NDUFA9: variants seen among roughly 807,000 people sequenced by gnomAD.
The protein encoded by NDUFA9 is NADH dehydrogenase [ubiquinone] 1 alpha subcomplex subunit 9, mitochondrial.
In NDUFA9, 23 loss-of-function variants were observed where a neutral mutation model predicts 45.9. That is an observed-to-expected ratio of 0.50 (90% CI 0.36 to 0.71). The LOEUF (loss-of-function observed/expected upper bound fraction) is 0.71, where lower values mean the gene tolerates loss of function less well. Among genes scored for constraint, NDUFA9 ranks in the 30% least tolerant of loss-of-function variants. The probability of loss-of-function intolerance (pLI) is 0.00; values close to 1 mark genes in which losing one functional copy is unlikely to be tolerated. For missense variants in NDUFA9, 466 were observed against 488.2 expected, an observed-to-expected ratio of 0.95 and a Z score of 0.43; for synonymous variants, 176 against 170.5, an observed-to-expected ratio of 1.03 and a Z score of -0.25.
chr12:4,661,036 C>CATGCTGGTAGGGAG (rs371494021), intron 5 of NDUFA9, among the ~76,000 whole-genome samples: 57 of 151,848 alleles, frequency 3.8e-4, no homozygotes, highest in African/African-American at 1.3e-3. Context: ...ACATTGTTTA[C>CATGCTGGTAGGGAG]ATGCTGGTAG....
intron 9 of NDUFA9, among the ~76,000 whole-genome samples, chr12:4,682,526 C>A (rs990106306): frequency 6.6e-6 from 1 of 152,182 alleles, no homozygotes; most frequent in African/African-American, 2.4e-5. Context: ...CTTCCCACTT[C>A]CCAAAAGTGA....
At chr12:4,670,122 CACAA>C (rs1591546896) in intron 8 of NDUFA9, among the ~76,000 whole-genome samples, 2 of 152,262 alleles carry the variant, frequency 1.3e-5, no homozygotes, top group East Asian at 3.9e-4. Flanking sequence ...AATTCTAAAA[CACAA>C]ACAAAACACT....
At chr12:4,675,808 T>C (rs11519562) in intron 8 of NDUFA9, among the ~76,000 whole-genome samples, 7,965 of 152,280 alleles carry the variant, frequency 0.052, 278 homozygotes, top group Non-Finnish European at 0.082. Context: ...TAATTCATTT[T>C]ATGAGGCCAG....
chr12:4,649,386 A>G (rs936240081), intron 1 of NDUFA9, among the ~76,000 whole-genome samples: 1 of 152,156 alleles, frequency 6.6e-6, no homozygotes, highest in African/African-American at 2.4e-5. Flanking sequence ...GGAGGGGACA[A>G]AAGATCTTAA....
rs373278141 is a variant in NDUFA9, at chr12:4,687,129, G to A, written c.*21G>A. 1.6e-5 allele frequency: 26 copies of A among 1,612,330 alleles called. No individual in the cohort carries two copies. The highest frequency in any genetic ancestry group is 2.0e-5 in the Non-Finnish European group (24 of 1,178,798). ...TTTAGTGCCTCCTGAGCAGCTCTTG[G>A]TTTTGGCGTCTTTTGGGTCGGCCCA... On this transcript the variant is annotated 3_prime_UTR_variant, in exon 11 of 11. Transcript: ENST00000266544.
In NDUFA9 at chr12:4,689,557, C is replaced by A. The variant is rs367974374; in HGVS notation, c.*2449C>A. On this transcript the variant is annotated 3_prime_UTR_variant, in exon 11 of 11. Transcript: ENST00000266544. ...TTTAACAAAGTACATCTTGCACCGCCCTTAATCCATTTAACCCTGAGTGGA... is the reference window on the plus strand; with the variant it reads ...TTTAACAAAGTACATCTTGCACCGCACTTAATCCATTTAACCCTGAGTGGA... 1 of 171,906 alleles carries A rather than the reference C, an allele frequency of 5.8e-6. No homozygotes were observed. 10.6% of individuals were successfully genotyped at this position (171,906 alleles called of 1,614,324 possible).
Position 4,686,065 on chromosome 12 carries a change from A to T in NDUFA9, c.963+740A>T, listed in dbSNP as rs547364409. 2.0e-5 allele frequency among the ~76,000 whole-genome samples: 3 copies of T among 152,336 alleles called. No homozygotes were observed. The South Asian group carries it at 6.2e-4, about 32-fold the overall frequency. On this transcript the variant is annotated intron_variant, in intron 10 of 10. Transcript: ENST00000266544. The stretch of plus-strand genomic sequence containing the variant: ...TTTCTTCAGACATGGTCTATGAAAG[A>T]TCAGGCAGGATCGCTGGTTGTCAGA...
At chr12:4,664,873 G>C (rs1444456683) in intron 6 of NDUFA9, among the ~76,000 whole-genome samples, 1 of 152,204 alleles carries the variant, frequency 6.6e-6, no homozygotes, top group East Asian at 1.9e-4. Flanking sequence ...ACCTTGCTAA[G>C]TTTTGGACTT....
chr12:4,669,249 T>G (rs1011565636), intron 7 of NDUFA9, among the ~76,000 whole-genome samples: 3 of 152,240 alleles, frequency 2.0e-5, no homozygotes, highest in Admixed American at 1.3e-4. Flanking sequence ...AGTTGTCAAA[T>G]GTCCCCTGGG....
intron 8 of NDUFA9, among the ~76,000 whole-genome samples, chr12:4,679,074 T>C (rs1945937543): frequency 6.6e-6 from 1 of 152,200 alleles, no homozygotes; most frequent in African/African-American, 2.4e-5. Flanking sequence ...TCTCATATAA[T>C]AGAAGTTCAA....
chr12:4,671,734 G>A lies in NDUFA9; in HGVS notation c.800+1917G>A, dbSNP rs554222848. Among the ~76,000 whole-genome samples, 37 of 152,212 alleles carry A rather than the reference G, an allele frequency of 2.4e-4. No homozygotes were observed. The East Asian group carries it at 6.9e-3, about 29-fold the overall frequency. ...AATTGACGTATAGATGAATTAACCAGAATTGATAGTTCAGAAATAAATCTT... is the reference window on the plus strand; with the variant it reads ...AATTGACGTATAGATGAATTAACCAAAATTGATAGTTCAGAAATAAATCTT... On this transcript the variant is annotated intron_variant, in intron 8 of 10. Transcript: ENST00000266544.
intron 8 of NDUFA9, among the ~76,000 whole-genome samples, chr12:4,676,049 A>T (rs1945917841): frequency 6.6e-6 from 1 of 152,230 alleles, no homozygotes; most frequent in East Asian, 1.9e-4. Flanking sequence ...AACTACATGA[A>T]TATTTCAATA....
intron 8 of NDUFA9, among the ~76,000 whole-genome samples, chr12:4,675,673 T>G (rs1945915426): frequency 6.6e-6 from 1 of 152,042 alleles, no homozygotes; most frequent in South Asian, 2.1e-4. Context: ...AATTAATAGC[T>G]TATCAACCAA....
chr12:4,658,121 T>G (rs894130386), intron 4 of NDUFA9, among the ~76,000 whole-genome samples: 7 of 152,310 alleles, frequency 4.6e-5, no homozygotes, highest in African/African-American at 1.7e-4. Context: ...CCCTATGGGA[T>G]GGGGTTAAGA....
chr12:4,670,658 A>G (rs540792862), intron 8 of NDUFA9, among the ~76,000 whole-genome samples: 1 of 152,366 alleles, frequency 6.6e-6, no homozygotes, highest in East Asian at 1.9e-4. Context: ...TATTTAATAC[A>G]TAATTTTTTT....
intron 3 of NDUFA9, 193 bp from the exon 4 acceptor site, chr12:4,657,555 G>A (rs997144819): frequency 1.8e-5 from 10 of 551,426 alleles, no homozygotes; most frequent in South Asian, 4.4e-5. Flanking sequence ...TGTTTGTCTC[G>A]GAAAGAGTGA....
chr12:4,661,002 G>GT (rs35792516), intron 5 of NDUFA9, among the ~76,000 whole-genome samples: 42,401 of 150,822 alleles, frequency 0.28, 6,105 homozygotes, highest in Middle Eastern at 0.39. Context: ...GAGTTGGTAT[G>GT]TTTTTTTTTA....
intron 9 of NDUFA9, among the ~76,000 whole-genome samples, chr12:4,684,164 G>A (rs1179217349): frequency 5.3e-5 from 8 of 152,216 alleles, no homozygotes; most frequent in Non-Finnish European, 1.5e-5. Flanking sequence ...ATTAAGCTAT[G>A]TTAGCCCAAT....
intron 8 of NDUFA9, 93 bp from the exon 9 acceptor site, chr12:4,682,112 G>A (rs1945956261): frequency 1.1e-6 from 1 of 926,602 alleles, no homozygotes; most frequent in Non-Finnish European, 1.7e-6. Context: ...GTGCATATAT[G>A]TTTCCTTTTT....
Sources: gnomAD v4.1 joint callset for allele counts (sites outside exome capture counted in the v4.1 genomes callset) on GRCh38, gnomAD v4.1.1 for gene constraint, MANE v1.5 for transcripts, NCBI Gene and HGNC (gene_info 2026-07-23, HGNC 2026-07-21) for gene names.